ASB3: variants seen among roughly 807,000 people sequenced by gnomAD.
ASB3 encodes the protein ankyrin repeat and SOCS box containing 3.
In ASB3, 41 loss-of-function variants were observed where a neutral mutation model predicts 54.5. That is an observed-to-expected ratio of 0.75 (90% CI 0.59 to 0.98). ASB3 has a LOEUF of 0.98. Among genes scored for constraint, ASB3 ranks in the 50% least tolerant of loss-of-function variants. ASB3 has a pLI of 0.00. For missense variants in ASB3, 733 were observed against 620.0 expected, an observed-to-expected ratio of 1.18 and a Z score of -1.94; for synonymous variants, 266 against 221.2, an observed-to-expected ratio of 1.20 and a Z score of -1.80.
At chr2:53,702,294 G>C (rs145157562) in intron 7 of ASB3, among the ~76,000 whole-genome samples, 2 of 152,260 alleles carry the variant, frequency 1.3e-5, no homozygotes, top group African/African-American at 4.8e-5. Flanking sequence ...AGTTTTGTCA[G>C]CATGCCCTGA....
intron 1 of ASB3, among the ~76,000 whole-genome samples, chr2:53,782,314 A>G (rs2104223861): frequency 6.6e-6 from 1 of 152,334 alleles, no homozygotes; most frequent in South Asian, 2.1e-4. Flanking sequence ...AGCAGGTAGG[A>G]TTATGCTGAG....
Position 53,714,435 on chromosome 2 carries a change from G to C in ASB3, c.929C>G (p.Ala310Gly), listed in dbSNP as rs761044143. Residue 310 changes from alanine to glycine, a missense_variant, in exon 7 of 10, where the codon GCG (alanine) becomes GGG (glycine). By Grantham distance (60) the Ala-to-Gly change is moderately conservative. Transcript: ENST00000263634. ...LRNGYSPDAQ[A>G]CLVFGFSSPV... ...AGAACTGAATCCAAAAACAAGGCAC[G>C]CCTGGGCGTCTGGGCTGTAGCCATT... The C allele has an allele frequency of 1.2e-6, 2 of 1,614,176 alleles. No homozygotes were observed. The highest frequency in any genetic ancestry group is 1.1e-5 in the South Asian group (1 of 91,086).
chr2:53,717,079 C>T (rs1477559476), intron 5 of ASB3, among the ~76,000 whole-genome samples: 3 of 152,106 alleles, frequency 2.0e-5, no homozygotes, highest in Admixed American at 6.5e-5. Context: ...CTTGCCTCTA[C>T]GTCAGCAAGA....
chr2:53,727,235 A>G (rs755137049), intron 5 of ASB3, among the ~76,000 whole-genome samples: 2 of 152,258 alleles, frequency 1.3e-5, no homozygotes, highest in Non-Finnish European at 2.9e-5. Flanking sequence ...CTCATTATTT[A>G]TAACAGATGC....
chr2:53,752,656 CCTCT>C (rs768856839), intron 2 of ASB3, among the ~76,000 whole-genome samples: 6 of 152,242 alleles, frequency 3.9e-5, no homozygotes, highest in Admixed American at 2.6e-4. Flanking sequence ...TTGGCTGTCT[CCTCT>C]CTCTATCAGT....
chr2:53,740,735 G>A (rs1671888503), intron 3 of ASB3, among the ~76,000 whole-genome samples: 1 of 152,046 alleles, frequency 6.6e-6, no homozygotes, highest in African/African-American at 2.4e-5. Context: ...AATCATCCAC[G>A]TTATCACTGA....
At chr2:53,700,241 G>T in intron 8 of ASB3, 30 bp downstream of exon 8, 1 of 1,598,930 alleles carries the variant, frequency 6.3e-7, no homozygotes, top group South Asian at 1.1e-5. Context: ...ACTCAAAAAG[G>T]GTAAGCCCGA....
Position 53,767,831 on chromosome 2 carries a change from G to C in ASB3, c.-13-2246C>G, listed in dbSNP as rs974485124. 1.8e-5 allele frequency: 28 copies of C among 1,554,708 alleles called. 1 individual carries two copies. In the South Asian group the frequency reaches 2.7e-4, roughly 15 times the overall value. ...TCGCTTACCGGAGGCTTCAGTCCCC[G>C]GCGGCGCGGCGACAGCTAGGGTTCA... On this transcript the variant is annotated intron_variant, in intron 1 of 9. Transcript: ENST00000263634.
At chr2:53,718,415 C>G (rs1028794768) in intron 5 of ASB3, among the ~76,000 whole-genome samples, 6 of 152,154 alleles carry the variant, frequency 3.9e-5, no homozygotes, top group African/African-American at 1.4e-4. Context: ...TTCCACCAAA[C>G]TAAGCTTCAC....
At chr2:53,682,391 T>C (rs1668421546) in intron 9 of ASB3, among the ~76,000 whole-genome samples, 1 of 152,204 alleles carries the variant, frequency 6.6e-6, no homozygotes, top group African/African-American at 2.4e-5. Flanking sequence ...CTCTCACTTC[T>C]TTGGTCACAC....
At position 53,708,743 on chromosome 2, in the gene ASB3, G is replaced by A. The variant is rs559205964; in HGVS notation, c.980+5641C>T. On this transcript the variant is annotated intron_variant, in intron 7 of 9. Coordinates refer to ENST00000263634, the MANE Select transcript of ASB3 (RefSeq NM_016115.5). ...CAAAGGTCACTTTTGTTATGCCTTA[G>A]CAAAGAACCTGAATGCACTGTGCCC... Among the ~76,000 whole-genome samples the A allele has an allele frequency of 1.8e-4, 27 of 152,344 alleles. No homozygotes were observed. In the South Asian group the frequency reaches 5.2e-3, roughly 29 times the overall value.
intron 8 of ASB3, among the ~76,000 whole-genome samples, chr2:53,695,366 T>G (rs1669128895): frequency 6.6e-6 from 1 of 152,136 alleles, no homozygotes; most frequent in Admixed American, 6.6e-5. Context: ...CATATCTCAG[T>G]GAAATCACAA....
At chr2:53,720,039 G>C (rs1670610405) in intron 5 of ASB3, among the ~76,000 whole-genome samples, 1 of 151,998 alleles carries the variant, frequency 6.6e-6, no homozygotes, top group African/African-American at 2.4e-5. Context: ...ATTTCCCTGT[G>C]GACGAAGGAC....
chr2:53,675,994 A>G (rs1375615535), intron 9 of ASB3, among the ~76,000 whole-genome samples: 1 of 152,230 alleles, frequency 6.6e-6, no homozygotes, highest in Non-Finnish European at 1.5e-5. Context: ...ATTTTTACAA[A>G]ATACATGGTA....
intron 9 of ASB3, among the ~76,000 whole-genome samples, chr2:53,684,216 T>C (rs1172403631): frequency 6.6e-6 from 1 of 152,200 alleles, no homozygotes; most frequent in Non-Finnish European, 1.5e-5. Flanking sequence ...TGAAAGCCTC[T>C]CTTCACTGAA....
rs776120466 is a variant in ASB3, at chr2:53,729,546, A to G, written c.380T>C (p.Val127Ala). ...FLAVENGQID[V>A]LRLLLQHGAN... ...TCCGTGTTGAAGCAACAGCCTTAAC[A>G]CATCTATCTGTCCATTTTCAACAGC... Residue 127 changes from valine to alanine, a missense_variant, in exon 4 of 10, where the codon GTG becomes GCG. Physicochemically the swap from Val to Ala is moderately conservative, Grantham distance 64. Coordinates refer to ENST00000263634, the MANE Select transcript of ASB3 (RefSeq NM_016115.5). The G allele has an allele frequency of 1.2e-6, 2 of 1,613,896 alleles. No individual in the cohort carries two copies. Among genetic ancestry groups the G allele is most frequent in the South Asian group, 1.1e-5 (1 of 91,074 alleles).
At chr2:53,723,780 T>C (rs1008319296) in intron 5 of ASB3, among the ~76,000 whole-genome samples, 2 of 152,138 alleles carry the variant, frequency 1.3e-5, no homozygotes, top group Non-Finnish European at 2.9e-5. Context: ...AATACAGCCA[T>C]GCACCTACAG....
rs151335501 is a variant in ASB3, at chr2:53,776,034, A to G, written c.-13-10449T>C. On this transcript the variant is annotated intron_variant, in intron 1 of 9. Transcript: ENST00000263634. ...TAGGTTATTTCTTTCTCAAGAGGAC[A>G]TATAATCTCTCTAGAATCTTTCACC... Among the ~76,000 whole-genome samples, 46 of 152,328 alleles carry G rather than the reference A, an allele frequency of 3.0e-4. No homozygotes were observed. In the East Asian group the frequency reaches 6.6e-3, roughly 22 times the overall value.
chr2:53,698,322 T>C (rs1669299647), intron 8 of ASB3, among the ~76,000 whole-genome samples: 1 of 152,230 alleles, frequency 6.6e-6, no homozygotes, highest in Non-Finnish European at 1.5e-5. Flanking sequence ...ATCTTCTATT[T>C]GTACAAATCT....
Sources: allele counts gnomAD v4.1 joint callset (sites outside exome capture counted in the v4.1 genomes callset), GRCh38; gene constraint gnomAD v4.1.1; transcripts MANE v1.5; gene names NCBI Gene and HGNC (gene_info 2026-07-23, HGNC 2026-07-21).